Variants in DNAAF19 observed in about 807,000 individuals in gnomAD.
The protein encoded by DNAAF19 is coiled-coil domain containing 103.
chr17:44,903,416 C>A, the DNAAF19 span: 1 of 1,251,808 alleles, frequency 8.0e-7, no homozygotes, highest in Admixed American at 3.8e-5. Context: ...TTTCCTTCAT[C>A]CCCCAGGTTG....
the DNAAF19 span, chr17:44,904,737 A>C: frequency 6.4e-7 from 1 of 1,550,430 alleles, no homozygotes; most frequent in African/African-American, 1.4e-5. Flanking sequence ...TGGGACAAAG[A>C]CCGCCAGCAC....
chr17:44,903,953 G>A, the DNAAF19 span: 1 of 1,550,592 alleles, frequency 6.4e-7, no homozygotes, highest in Admixed American at 2.0e-5. Context: ...TGAAAATGCA[G>A]CCTACCTGGC....
the DNAAF19 span, chr17:44,903,773 A>G: frequency 1.2e-5 from 18 of 1,498,626 alleles, no homozygotes; most frequent in Admixed American, 4.5e-5. Flanking sequence ...TAGGAGCCCT[A>G]TGAGCCTTTA....
the DNAAF19 span, chr17:44,902,740 C>T: frequency 6.2e-7 from 1 of 1,609,848 alleles, no homozygotes; most frequent in Non-Finnish European, 8.5e-7. Flanking sequence ...GGAGCAGGGT[C>T]TGGAGGAGCA....
At chr17:44,902,385 C>T in the DNAAF19 span, 17 of 1,614,102 alleles carry the variant, frequency 1.1e-5, no homozygotes, top group Middle Eastern at 8.2e-4. Flanking sequence ...CCCTCCAGCC[C>T]GAGACGTCTG....
the DNAAF19 span, chr17:44,901,604 C>A: frequency 1.2e-6 from 2 of 1,614,168 alleles, no homozygotes; most frequent in Non-Finnish European, 1.7e-6. Flanking sequence ...GGAACTGTCA[C>A]ACTATTCAGG....
At chr17:44,904,003 AGAG>A in the DNAAF19 span, 1 of 1,550,630 alleles carries the variant, frequency 6.4e-7, no homozygotes, top group Non-Finnish European at 8.7e-7. Flanking sequence ...GCAAACCCGA[AGAG>A]GTGCCAGCTG....
At chr17:44,903,857 C>T in the DNAAF19 span, 2 of 1,538,544 alleles carry the variant, frequency 1.3e-6, no homozygotes, top group Non-Finnish European at 1.8e-6. Flanking sequence ...CACTGTGCTC[C>T]TGTGGGCATG....
At chr17:44,902,883 G>A in the DNAAF19 span, 1 of 1,450,672 alleles carries the variant, frequency 6.9e-7, no homozygotes. Flanking sequence ...TTGTCTTGGG[G>A]GTTCTGCAGG....
the DNAAF19 span, among the ~76,000 whole-genome samples, chr17:44,901,817 A>G: frequency 1.3e-5 from 2 of 152,238 alleles, no homozygotes; most frequent in East Asian, 1.9e-4. Context: ...CCAATCCCAG[A>G]AAGAAAAACA....
the DNAAF19 span, chr17:44,905,039 T>C: frequency 6.5e-7 from 1 of 1,548,424 alleles, no homozygotes; most frequent in Admixed American, 2.0e-5. Context: ...CTGCTGCTAC[T>C]TATTTCACTG....
chr17:44,903,178 T>C, the DNAAF19 span: 1 of 1,268,256 alleles, frequency 7.9e-7, no homozygotes, highest in Non-Finnish European at 9.9e-7. Context: ...AAAAGCAAAA[T>C]CTTTATGGTA....
chr17:44,902,116 A>G, the DNAAF19 span, among the ~76,000 whole-genome samples: 6 of 152,376 alleles, frequency 3.9e-5, no homozygotes, highest in South Asian at 1.2e-3. Flanking sequence ...CTATGTCTCC[A>G]TTCATGAGTA....
At chr17:44,904,599 TTAAC>T in the DNAAF19 span, 1 of 1,550,548 alleles carries the variant, frequency 6.4e-7, no homozygotes, top group Non-Finnish European at 8.7e-7. Flanking sequence ...CTGGCCATCA[TTAAC>T]TATGTGTCCA....
At chr17:44,903,845 A>T in the DNAAF19 span, 1 of 1,547,042 alleles carries the variant, frequency 6.5e-7, no homozygotes, top group Non-Finnish European at 8.7e-7. Context: ...CCTGGCCCTC[A>T]CCACTGTGCT....
chr17:44,902,390 C>G, the DNAAF19 span: 2 of 1,614,222 alleles, frequency 1.2e-6, no homozygotes, highest in South Asian at 2.2e-5. Context: ...CAGCCCGAGA[C>G]GTCTGCTGAC....
chr17:44,900,069 A>C, the DNAAF19 span, among the ~76,000 whole-genome samples: 1 of 152,142 alleles, frequency 6.6e-6, no homozygotes. Flanking sequence ...AGGAGTTTGC[A>C]GTTCAGAGAG....
the DNAAF19 span, chr17:44,901,411 G>T: frequency 2.3e-6 from 3 of 1,286,224 alleles, no homozygotes; most frequent in African/African-American, 4.4e-5. Context: ...TATTATTATG[G>T]TCATATTGGT....
the DNAAF19 span, chr17:44,904,271 G>T: frequency 1.9e-6 from 3 of 1,550,172 alleles, no homozygotes; most frequent in East Asian, 7.3e-5. Context: ...GGGAATGGTG[G>T]CCACTTTCCA....
Sources: gnomAD v4.1 joint callset for allele counts (sites outside exome capture counted in the v4.1 genomes callset) on GRCh38, gnomAD v4.1.1 for gene constraint, MANE v1.5 for transcripts, NCBI Gene and HGNC (gene_info 2026-07-23, HGNC 2026-07-21) for gene names.